ATP5MC2: variants seen among roughly 807,000 people sequenced by gnomAD.
ATP5MC2 encodes the protein ATP synthase F(0) complex subunit C2, mitochondrial.
ATP5MC2 carries 11 observed loss-of-function variants against 13.5 expected under a neutral mutation model. The ratio of observed to expected loss-of-function variants is 0.81; its 90% CI spans 0.51 to 1.35. The LOEUF is 1.35. Ranked by LOEUF, ATP5MC2 falls within the 40% of genes most tolerant of loss-of-function variation. ATP5MC2 has a pLI of 0.00. For missense variants in ATP5MC2, 132 were observed against 175.0 expected (o/e 0.75, Z 1.39); for synonymous variants, 64 against 69.7 (o/e 0.92, Z 0.41).
rs916010110 is a variant in ATP5MC2 at position 53,672,083 on chromosome 12, C to CAA, written c.39+491_39+492dup. Among the ~76,000 whole-genome samples, 68 of 47,102 alleles carry CAA rather than the reference C, an allele frequency of 1.4e-3. 1 individual carries two copies. Among genetic ancestry groups the CAA allele is most frequent in the Middle Eastern group, 0.011 (1 of 88 alleles). 30.9% of individuals were successfully genotyped at this position (47,102 alleles called of 152,430 possible). A position where few individuals can be genotyped will look rare whatever the true frequency, so the allele number is the denominator to read the frequency against. On this transcript the variant is annotated intron_variant, in intron 2 of 4. Coordinates refer to ENST00000394349, the MANE Select transcript of ATP5MC2 (RefSeq NM_005176.7). Reference sequence around the variant, plus strand: ...GGGCAACAAGAGCGAAACTCTGTCTCAAAAAAAAAAAAAAAAAAAAAATTA... The same window carrying CAA: ...GGGCAACAAGAGCGAAACTCTGTCTCAAAAAAAAAAAAAAAAAAAAAAAATTA...
upstream of ATP5MC2, chr12:53,677,373 A>T (rs1431067995): frequency 1.3e-5 from 2 of 152,290 alleles, no homozygotes; most frequent in Admixed American, 6.5e-5. Context: ...ATTTCCCGGG[A>T]CCCCGAGCGA....
upstream of ATP5MC2, chr12:53,676,327 C>G (rs545537617): frequency 5.5e-5 from 76 of 1,383,550 alleles, 1 homozygote; most frequent in South Asian, 8.3e-5. Context: ...GTAACGTGGA[C>G]TGCGGTTTGG....
rs371287380 is a variant in ATP5MC2 at position 53,669,857 on chromosome 12, C to A, written c.117+14G>T. 8 of 1,613,482 alleles carry A rather than the reference C, an allele frequency of 5.0e-6. No individual in the cohort carries two copies. Among genetic ancestry groups the A allele is most frequent in the South Asian group, 1.1e-5 (1 of 91,040 alleles). ...CACCCCCAAAACCACAGTCCCAACT[C>A]CACTGTAAGGTACCTCATCTGTCAG... On this transcript the variant is annotated intron_variant, in intron 3 of 4. Coordinates refer to ENST00000394349, the MANE Select transcript of ATP5MC2 (RefSeq NM_005176.7).
Position 53,665,396 on chromosome 12 carries a change from TAGG to T in ATP5MC2, c.341_343del (p.Ser114del), listed in dbSNP as rs1465305189. ...CGAGAGGGCAAAGCCCAGAATGGCG[TAGG>T]AGAAGAGCTGTTGCTTCAGAGAAGG... On this transcript the variant is annotated inframe_deletion, in exon 5 of 5. Transcript: ENST00000394349. 10 of 1,613,750 alleles carry T rather than the reference TAGG, an allele frequency of 6.2e-6. No individual in the cohort carries two copies. Among genetic ancestry groups the T allele is most frequent in the East Asian group, 4.5e-5 (2 of 44,862 alleles).
intron 4 of ATP5MC2, among the ~76,000 whole-genome samples, chr12:53,667,948 TACAC>T (rs1224099084): frequency 2.1e-3 from 107 of 50,378 alleles, no homozygotes; most frequent in East Asian, 0.015. Context: ...CATACATACA[TACAC>T]ACACATATAT....
At chr12:53,679,067 T>C (rs1593062907), upstream of ATP5MC2, among the ~76,000 whole-genome samples, 1 of 152,312 alleles carries the variant, frequency 6.6e-6, no homozygotes, top group East Asian at 1.9e-4. Flanking sequence ...TTCTCTCATA[T>C]AGAAATTCCA....
chr12:53,676,032 C>G (rs747476872), intron 1 of ATP5MC2, 21 bp downstream of exon 1: 2 of 1,611,448 alleles, frequency 1.2e-6, no homozygotes, highest in Non-Finnish European at 1.7e-6. Context: ...GCACAGAGGG[C>G]TCTAGGTCCC....
At chr12:53,670,087 T>A (rs1243684835) in intron 2 of ATP5MC2, 139 bp from the exon 3 acceptor site, 1 of 751,594 alleles carries the variant, frequency 1.3e-6, no homozygotes, top group Admixed American at 2.0e-5. Context: ...ACGTTAGAGT[T>A]TTGGATCATT....
intron 2 of ATP5MC2, 43 bp downstream of exon 2, chr12:53,672,533 G>C: frequency 6.7e-7 from 1 of 1,496,002 alleles, no homozygotes; most frequent in Non-Finnish European, 9.1e-7. Flanking sequence ...AGAGAGACAA[G>C]ATGTCTCTCC....
intron 2 of ATP5MC2, among the ~76,000 whole-genome samples, chr12:53,670,767 C>T (rs921281807): frequency 2.6e-5 from 4 of 151,794 alleles, no homozygotes; most frequent in African/African-American, 9.7e-5. Flanking sequence ...GGACTACAGG[C>T]GCCGGCAACC....
At chr12:53,676,301 C>CGGAGTACG, upstream of ATP5MC2, 1 of 1,490,342 alleles carries the variant, frequency 6.7e-7, no homozygotes, top group Non-Finnish European at 9.0e-7. Context: ...GCCAACTCCG[C>CGGAGTACG]GGAGTAAGCC....
chr12:53,679,253 GA>G (rs1237861397), upstream of ATP5MC2, among the ~76,000 whole-genome samples: 1 of 150,546 alleles, frequency 6.6e-6, no homozygotes, highest in Non-Finnish European at 1.5e-5. Context: ...GAGAGAGAGA[GA>G]GAGAGAGAGA....
At chr12:53,676,084 C>G, upstream of ATP5MC2, 1 of 1,614,224 alleles carries the variant, frequency 6.2e-7, no homozygotes, top group Non-Finnish European at 8.5e-7. Context: ...CAGAGAGGGG[C>G]GGAGCAGCGG....
At chr12:53,667,503 A>ATT (rs34602823) in intron 4 of ATP5MC2, among the ~76,000 whole-genome samples, 9 of 148,756 alleles carry the variant, frequency 6.1e-5, no homozygotes, top group Middle Eastern at 3.4e-3. Context: ...ATGCGAAACT[A>ATT]TTTTTTTTTT....
chr12:53,669,947 A>G lies in ATP5MC2; in HGVS notation c.41T>C (p.Val14Ala). ...GCTCAGCAGCTGTGAGGTGCTCTTG[A>G]CCTAGCAGGAATGACATACAGGGGC... ...CSKFVSTPSLVKSTSQLLSRP... is the reference protein window; with the variant it reads ...CSKFVSTPSLAKSTSQLLSRP... The change falls in exon 3 of 5, where the codon GTC becomes GCC. Residue 14 changes from valine (V) to alanine (A), a missense_variant and splice_region_variant. Val to Ala is a moderately conservative substitution (Grantham distance 64). Coordinates refer to ENST00000394349, the MANE Select transcript of ATP5MC2 (RefSeq NM_005176.7). 1 of 1,613,670 alleles carries G rather than the reference A, an allele frequency of 6.2e-7. No individual in the cohort carries two copies. The highest frequency in any genetic ancestry group is 8.5e-7 in the Non-Finnish European group (1 of 1,179,736).
chr12:53,671,747 C>A lies in ATP5MC2; in HGVS notation c.39+829G>T, dbSNP rs560378485. Among the ~76,000 whole-genome samples, 36 of 152,230 alleles carry A rather than the reference C, an allele frequency of 2.4e-4. 1 individual carries two copies. Among genetic ancestry groups the A allele is most frequent in the Admixed American group, 2.6e-4 (4 of 15,278 alleles). On this transcript the variant is annotated intron_variant, in intron 2 of 4. Transcript: ENST00000394349. Reference sequence around the variant, plus strand: ...GATGGCTGGGTAAGAATTAACTGGGCACAGCCAGGCACGGTGGCTCATGCC... The same window carrying A: ...GATGGCTGGGTAAGAATTAACTGGGAACAGCCAGGCACGGTGGCTCATGCC...
chr12:53,671,556 G>A (rs964621342), intron 2 of ATP5MC2, among the ~76,000 whole-genome samples: 1 of 152,124 alleles, frequency 6.6e-6, no homozygotes, highest in Admixed American at 6.5e-5. Flanking sequence ...GAACTCCTTA[G>A]CTATGGCTAA....
intron 2 of ATP5MC2, among the ~76,000 whole-genome samples, chr12:53,671,975 C>A (rs892814711): frequency 2.7e-5 from 4 of 150,584 alleles, no homozygotes; most frequent in African/African-American, 9.8e-5. Context: ...GTGCCTGTAA[C>A]CCCAGCTACT....
intron 3 of ATP5MC2, 52 bp downstream of exon 3, chr12:53,669,819 C>A: frequency 6.3e-7 from 1 of 1,585,274 alleles, no homozygotes; most frequent in Non-Finnish European, 8.7e-7. Context: ...GGCAGGTAAC[C>A]CTCCCCACCC....
Sources: gnomAD v4.1 joint callset for allele counts (sites outside exome capture counted in the v4.1 genomes callset) on GRCh38, gnomAD v4.1.1 for gene constraint, MANE v1.5 for transcripts, NCBI Gene and HGNC (gene_info 2026-07-23, HGNC 2026-07-21) for gene names.